Variants in LRRIQ1 observed in about 807,000 individuals in gnomAD.
LRRIQ1 encodes the protein leucine-rich repeat- and IQ domain-containing protein 1.
LRRIQ1 carries 210 observed loss-of-function variants against 211.9 expected under a neutral mutation model. The observed-to-expected ratio is 0.99, with a 90% CI of 0.89 to 1.11. The LOEUF is 1.11. LRRIQ1 is among the 50% of genes most tolerant of loss of function. The pLI is 0.00. For synonymous variants in LRRIQ1, 699 were observed against 650.1 expected, an observed-to-expected ratio of 1.08 and a Z score of -1.14; for missense variants, 2,136 against 1,939.5, an observed-to-expected ratio of 1.10 and a Z score of -1.90.
chr12:85,265,299 T>C (rs117282784), downstream of LRRIQ1, among the ~76,000 whole-genome samples: 815 of 152,168 alleles, frequency 5.4e-3, 34 homozygotes, highest in East Asian at 0.1. Flanking sequence ...AGCTAATTAT[T>C]CATCATCTGG....
Position 85,106,719 on chromosome 12 carries a change from T to C in LRRIQ1, c.3377+104T>C, listed in dbSNP as rs570802574. 9 of 729,530 alleles carry C rather than the reference T, an allele frequency of 1.2e-5. No individual in the cohort carries two copies. In the East Asian group the frequency reaches 2.5e-4, roughly 21 times the overall value. 45.2% of individuals were successfully genotyped at this position (729,530 alleles called of 1,614,324 possible). A position where few individuals can be genotyped will look rare whatever the true frequency, so the allele number is the denominator to read the frequency against. On this transcript the variant is annotated intron_variant, in intron 15 of 26. Coordinates refer to ENST00000393217, the MANE Select transcript of LRRIQ1 (RefSeq NM_001079910.2). ...ATAACAATTACCTAGGATAAGTTAA[T>C]TAAAAAATTAAAAGTCATTTTAAAC...
At chr12:85,229,157 A>C (rs1197326063) in intron 24 of LRRIQ1, among the ~76,000 whole-genome samples, 1 of 152,198 alleles carries the variant, frequency 6.6e-6, no homozygotes, top group Non-Finnish European at 1.5e-5. Context: ...AAACAATTAG[A>C]CTTTAATCCT....
At chr12:85,156,071 G>A (rs539703281) in intron 23 of LRRIQ1, among the ~76,000 whole-genome samples, 5 of 151,742 alleles carry the variant, frequency 3.3e-5, no homozygotes, top group African/African-American at 4.8e-5. Context: ...TTTGGGTTAG[G>A]TTAAAATCCT....
intron 11 of LRRIQ1, among the ~76,000 whole-genome samples, chr12:85,085,658 T>C (rs1005826195): frequency 1.3e-5 from 2 of 152,210 alleles, no homozygotes; most frequent in Admixed American, 6.5e-5. Context: ...ACCCAATGCT[T>C]AGCTCCCACT....
intron 6 of LRRIQ1, 66 bp from the exon 7 acceptor site, chr12:85,052,111 A>G: frequency 1.1e-6 from 1 of 902,008 alleles, no homozygotes; most frequent in South Asian, 1.8e-5. Flanking sequence ...TATGAGAATC[A>G]TATATAATTA....
chr12:85,180,197 C>G (rs891960903), intron 24 of LRRIQ1, among the ~76,000 whole-genome samples: 1 of 151,852 alleles, frequency 6.6e-6, no homozygotes, highest in African/African-American at 2.4e-5. Flanking sequence ...TAATCATTTC[C>G]TACTGAAGTT....
chr12:85,158,435 A>G (rs1035070992), intron 23 of LRRIQ1, among the ~76,000 whole-genome samples: 7 of 151,952 alleles, frequency 4.6e-5, no homozygotes, highest in African/African-American at 1.7e-4. Flanking sequence ...CCTGCAAAAA[A>G]TGGGTAATAA....
chr12:85,045,219 GAAA>G (rs1879394485), intron 4 of LRRIQ1, among the ~76,000 whole-genome samples: 1 of 151,708 alleles, frequency 6.6e-6, no homozygotes, highest in Non-Finnish European at 1.5e-5. Context: ...GTAGTTTTTA[GAAA>G]CAAATAAAAG....
intron 15 of LRRIQ1, among the ~76,000 whole-genome samples, chr12:85,117,121 C>G (rs1315010984): frequency 1.3e-5 from 2 of 152,132 alleles, no homozygotes; most frequent in Non-Finnish European, 2.9e-5. Flanking sequence ...GTGTTGGAGG[C>G]ACACTATAAG....
At chr12:85,228,769 T>C (rs554333656) in intron 24 of LRRIQ1, among the ~76,000 whole-genome samples, 2 of 152,218 alleles carry the variant, frequency 1.3e-5, no homozygotes, top group African/African-American at 2.4e-5. Context: ...CTTGCAAATA[T>C]GTAGACTTTT....
At chr12:85,252,102 A>G (rs1895962572) in intron 1 of LRRIQ1, among the ~76,000 whole-genome samples, 1 of 151,956 alleles carries the variant, frequency 6.6e-6, no homozygotes, top group Non-Finnish European at 1.5e-5. Flanking sequence ...AGACTACATT[A>G]TATGTGAGAT....
At chr12:85,194,530 C>T (rs1293339439) in intron 24 of LRRIQ1, among the ~76,000 whole-genome samples, 6 of 148,714 alleles carry the variant, frequency 4.0e-5, no homozygotes, top group Admixed American at 2.7e-4. Context: ...CACTCAAAAC[C>T]GCTCAACTAC....
intron 16 of LRRIQ1, 27 bp from the exon 17 acceptor site, chr12:85,124,043 A>G: frequency 6.5e-7 from 1 of 1,536,914 alleles, no homozygotes; most frequent in Non-Finnish European, 8.9e-7. Context: ...TATTCTTATT[A>G]AATGTTCTCA....
At chr12:85,058,335 A>G (rs1403800079) in intron 8 of LRRIQ1, among the ~76,000 whole-genome samples, 1 of 151,782 alleles carries the variant, frequency 6.6e-6, no homozygotes, top group African/African-American at 2.4e-5. Flanking sequence ...CTCTTCTCCA[A>G]TTTTTTCCTT....
chr12:85,060,366 T>C (rs1194340675), intron 8 of LRRIQ1, among the ~76,000 whole-genome samples: 4 of 152,048 alleles, frequency 2.6e-5, no homozygotes, highest in Admixed American at 2.6e-4. Flanking sequence ...TTTTATTTTT[T>C]ATTTTTAAAT....
At chr12:85,242,984 G>A (rs1016360330) in intron 26 of LRRIQ1, among the ~76,000 whole-genome samples, 45 of 151,718 alleles carry the variant, frequency 3.0e-4, no homozygotes, top group African/African-American at 1.0e-3. Flanking sequence ...TCTTATTTAG[G>A]GGAGAGTGGG....
At chr12:85,173,725 G>A (rs1017169734) in intron 24 of LRRIQ1, among the ~76,000 whole-genome samples, 5 of 151,978 alleles carry the variant, frequency 3.3e-5, no homozygotes, top group South Asian at 2.1e-4. Flanking sequence ...ATTCCATCAT[G>A]AGGATCCCAC....
intron 24 of LRRIQ1, among the ~76,000 whole-genome samples, chr12:85,188,122 C>G (rs899710725): frequency 1.3e-5 from 2 of 151,450 alleles, no homozygotes; most frequent in Non-Finnish European, 2.9e-5. Flanking sequence ...TTAGAATAAG[C>G]CTGGCACATA....
chr12:85,183,652 G>A (rs1354986669), intron 24 of LRRIQ1, among the ~76,000 whole-genome samples: 1 of 152,090 alleles, frequency 6.6e-6, no homozygotes, highest in Non-Finnish European at 1.5e-5. Flanking sequence ...AGTTCAATGT[G>A]CTGCTAAGTT....
Sources: allele counts gnomAD v4.1 joint callset (sites outside exome capture counted in the v4.1 genomes callset), GRCh38; gene constraint gnomAD v4.1.1; transcripts MANE v1.5; gene names NCBI Gene and HGNC (gene_info 2026-07-23, HGNC 2026-07-21).